The following RAP1A variants were observed in gnomAD, a reference collection of about 807,000 sequenced individuals.
The protein encoded by RAP1A is RAP1A, member of RAS oncogene family.
A neutral mutation model predicts 26.4 loss-of-function variants in RAP1A; 6 were observed. That is an observed-to-expected ratio of 0.23 (90% CI 0.12 to 0.45). The LOEUF is 0.45. RAP1A is among the 20% of genes least tolerant of loss of function. RAP1A has a pLI of 0.99. For synonymous variants in RAP1A, 73 were observed against 79.4 expected, an observed-to-expected ratio of 0.92 and a Z score of 0.43; for missense variants, 121 against 217.2, an observed-to-expected ratio of 0.56 and a Z score of 2.78.
intron 1 of RAP1A, among the ~76,000 whole-genome samples, chr1:111,566,866 G>GTT (rs56397519): frequency 3.6e-4 from 50 of 137,232 alleles, no homozygotes; most frequent in African/African-American, 8.0e-4. Context: ...TGGTGGTTGG[G>GTT]TTTTTTTTTT....
At position 111,686,194 on chromosome 1, in the gene RAP1A, A is replaced by G. The variant is rs186570010; in HGVS notation, c.-27-5140A>G. On this transcript the variant is annotated intron_variant, in intron 1 of 7. Coordinates refer to ENST00000369709, the MANE Select transcript of RAP1A (RefSeq NM_002884.4). Reference sequence around the variant, plus strand: ...ATGTAGATGACAGGTTGATGGGTGCAGCAAACCACCATGGCACATGTATAC... The same window carrying G: ...ATGTAGATGACAGGTTGATGGGTGCGGCAAACCACCATGGCACATGTATAC... Among the ~76,000 whole-genome samples, 668 of 152,292 alleles carry G rather than the reference A, an allele frequency of 4.4e-3. 5 individuals carry two copies. The highest frequency in any genetic ancestry group is 0.015 in the African/African-American group (619 of 41,546).
intron 6 of RAP1A, among the ~76,000 whole-genome samples, chr1:111,706,176 G>A (rs898839274): frequency 2.0e-5 from 3 of 152,122 alleles, no homozygotes; most frequent in African/African-American, 7.2e-5. Context: ...TTACTTTTTG[G>A]AAAACATACA....
intron 1 of RAP1A, among the ~76,000 whole-genome samples, chr1:111,583,560 C>T (rs1040165953): frequency 1.2e-4 from 18 of 151,714 alleles, no homozygotes; most frequent in African/African-American, 4.1e-4. Flanking sequence ...TTTTAAAATA[C>T]GCAGTCATAG....
rs563083 is a variant in RAP1A at position 111,709,280 on chromosome 1, C to T, written c.*29+16C>T. ...TCTGAGCCAGGTAAGATGCTAAAAGCAGAACAAGTGCCTTTCTCATGCTCC... is the reference window on the plus strand; with the variant it reads ...TCTGAGCCAGGTAAGATGCTAAAAGTAGAACAAGTGCCTTTCTCATGCTCC... On this transcript the variant is annotated intron_variant, in intron 7 of 7. Coordinates refer to ENST00000369709, the MANE Select transcript of RAP1A (RefSeq NM_002884.4). The T allele has an allele frequency of 0.13, 209,226 of 1,568,188 alleles. 15,408 individuals carry two copies. The highest frequency in any genetic ancestry group is 0.24 in the East Asian group (10,334 of 43,948).
intron 2 of RAP1A, among the ~76,000 whole-genome samples, 196 bp downstream of exon 2, chr1:111,691,613 T>C (rs1042827462): frequency 6.6e-6 from 1 of 152,252 alleles, no homozygotes; most frequent in African/African-American, 2.4e-5. Flanking sequence ...TTTATTCTTA[T>C]ATTTACCAAA....
chr1:111,622,297 A>G (rs1175515778), intron 1 of RAP1A, among the ~76,000 whole-genome samples: 2 of 152,210 alleles, frequency 1.3e-5, no homozygotes, highest in East Asian at 3.8e-4. Context: ...AGTTCTTACC[A>G]TGGCCTACAA....
chr1:111,669,260 A>G (rs1291165097), intron 1 of RAP1A, among the ~76,000 whole-genome samples: 2 of 152,192 alleles, frequency 1.3e-5, no homozygotes, highest in Admixed American at 6.5e-5. Flanking sequence ...TCTAATAAGT[A>G]GTGGATATAT....
intron 1 of RAP1A, among the ~76,000 whole-genome samples, chr1:111,622,148 T>G (rs758725197): frequency 3.3e-4 from 50 of 152,208 alleles, no homozygotes; most frequent in Non-Finnish European, 6.6e-4. Flanking sequence ...TAATTGATCT[T>G]CCAGCTTCCA....
At chr1:111,590,959 A>G (rs1325997136) in intron 1 of RAP1A, among the ~76,000 whole-genome samples, 1 of 152,208 alleles carries the variant, frequency 6.6e-6, no homozygotes, top group Non-Finnish European at 1.5e-5. Flanking sequence ...ATATAAGATT[A>G]TGATTATCTT....
At chr1:111,598,545 C>T (rs1658602757) in intron 1 of RAP1A, among the ~76,000 whole-genome samples, 1 of 152,096 alleles carries the variant, frequency 6.6e-6, no homozygotes, top group East Asian at 1.9e-4. Flanking sequence ...GACCAACCAT[C>T]CCAAGCCTAC....
chr1:111,644,809 T>G (rs549928592), intron 1 of RAP1A, among the ~76,000 whole-genome samples: 1 of 152,310 alleles, frequency 6.6e-6, no homozygotes, highest in African/African-American at 2.4e-5. Context: ...ATAGATCTCT[T>G]TGAAATTTTG....
At chr1:111,615,494 C>T (rs1315843916), upstream of RAP1A, among the ~76,000 whole-genome samples, 1 of 151,992 alleles carries the variant, frequency 6.6e-6, no homozygotes, top group African/African-American at 2.4e-5. Context: ...ATAGCAGCTC[C>T]TAATTAAGGC....
At chr1:111,546,076 T>C (rs936437553) in intron 1 of RAP1A, among the ~76,000 whole-genome samples, 8 of 152,182 alleles carry the variant, frequency 5.3e-5, no homozygotes, top group African/African-American at 1.7e-4. Context: ...TTTTTTCTTT[T>C]TCAAAACTAT....
chr1:111,675,721 T>C (rs1661106392), intron 1 of RAP1A, among the ~76,000 whole-genome samples: 1 of 152,240 alleles, frequency 6.6e-6, no homozygotes, highest in South Asian at 2.1e-4. Context: ...TTTGCCATTA[T>C]GTCTGCTTTA....
At chr1:111,544,653 T>G (rs1656970704) in intron 1 of RAP1A, among the ~76,000 whole-genome samples, 1 of 152,204 alleles carries the variant, frequency 6.6e-6, no homozygotes, top group Admixed American at 6.5e-5. Context: ...TGAATAACAC[T>G]GCTATGAACA....
intron 1 of RAP1A, among the ~76,000 whole-genome samples, chr1:111,688,822 GTTTTT>G (rs767753356): frequency 1.1e-5 from 1 of 90,062 alleles, no homozygotes. Context: ...TTTTTTTTTT[GTTTTT>G]TTTTTTGTTT....
At chr1:111,542,187 A>G, upstream of RAP1A, 7 of 513,046 alleles carry the variant, frequency 1.4e-5, no homozygotes, top group South Asian at 9.1e-5. Context: ...CTTTGAAGGA[A>G]GATCGTTTAG....
chr1:111,662,498 A>G (rs1660673162), intron 1 of RAP1A, among the ~76,000 whole-genome samples: 1 of 152,092 alleles, frequency 6.6e-6, no homozygotes, highest in African/African-American at 2.4e-5. Context: ...ATTTCTCTTC[A>G]CAAAATTAAT....
chr1:111,645,615 AT>A (rs1216248332), intron 1 of RAP1A, among the ~76,000 whole-genome samples: 1 of 152,256 alleles, frequency 6.6e-6, no homozygotes, highest in African/African-American at 2.4e-5. Flanking sequence ...ATGGTGGTGT[AT>A]AACTTATAGA....
Sources: gnomAD v4.1 joint callset for allele counts (sites outside exome capture counted in the v4.1 genomes callset) on GRCh38, gnomAD v4.1.1 for gene constraint, MANE v1.5 for transcripts, NCBI Gene and HGNC (gene_info 2026-07-23, HGNC 2026-07-21) for gene names.